TTYH3: variants seen among roughly 807,000 people sequenced by gnomAD.
TTYH3 encodes tweety family member 3, also known as protein tweety homolog 3.
Under a neutral mutation model 68.2 loss-of-function variants are expected in TTYH3, and 23 were observed. The observed-to-expected ratio is 0.34, with a 90% CI of 0.24 to 0.48. The LOEUF (loss-of-function observed/expected upper bound fraction) is 0.48, where lower values mean the gene tolerates loss of function less well. TTYH3 is among the 20% of genes least tolerant of loss of function. The pLI is 0.99. For synonymous variants in TTYH3, 360 were observed against 332.8 expected (o/e 1.08, Z -0.89); for missense variants, 768 against 727.7 (o/e 1.06, Z -0.64).
At chr7:2,643,738 C>T (rs371093723) in intron 1 of TTYH3, among the ~76,000 whole-genome samples, 3 of 152,250 alleles carry the variant, frequency 2.0e-5, no homozygotes, top group African/African-American at 7.2e-5. Context: ...TGATCTGGAC[C>T]TGGAAGCCCT....
Position 2,649,567 on chromosome 7 carries a change from G to C in TTYH3, c.723G>C (p.Gly241=), listed in dbSNP as rs187823170. ...LIRSSKGILV[G]VCLLGVLALV... is the part of the protein sequence containing the mutation. ...TGCTGACTGGCTGTCTCTGCCCCAG[G>C]GTCTGCCTGCTGGGAGTCCTGGCCC... The change falls in exon 6 of 14, where the codon GGG becomes GGC. Residue 241 remains glycine (G), a splice_region_variant and synonymous_variant. Coordinates refer to ENST00000258796, the MANE Select transcript of TTYH3 (RefSeq NM_025250.3). The C allele has an allele frequency of 7.6e-6, 12 of 1,583,782 alleles. No individual in the cohort carries two copies. The highest frequency in any genetic ancestry group is 1.0e-5 in the Non-Finnish European group (12 of 1,171,734).
chr7:2,658,835 G>A (rs1786410549), intron 12 of TTYH3, 105 bp from the exon 13 acceptor site: 2 of 1,089,508 alleles, frequency 1.8e-6, no homozygotes, highest in East Asian at 4.8e-5. Flanking sequence ...AGTGAGAATG[G>A]ATGTGCCCAT....
At chr7:2,656,625 C>T in intron 11 of TTYH3, 91 bp downstream of exon 11, 1 of 1,467,038 alleles carries the variant, frequency 6.8e-7, no homozygotes, top group Non-Finnish European at 9.1e-7. Flanking sequence ...CACCCATGTG[C>T]CAGTCCCAGA....
intron 2 of TTYH3, 41 bp from the exon 3 acceptor site, chr7:2,647,101 T>C: frequency 7.8e-7 from 1 of 1,274,764 alleles, no homozygotes. Flanking sequence ...GGGGTGTGTG[T>C]GGGTGGGCGG....
chr7:2,636,811 G>A (rs954810576), intron 1 of TTYH3, among the ~76,000 whole-genome samples: 2 of 152,106 alleles, frequency 1.3e-5, no homozygotes, highest in African/African-American at 2.4e-5. Context: ...CTTGGGGTGG[G>A]TGTCAGGCCA....
chr7:2,659,895 C>T (rs1786443412), intron 13 of TTYH3: 2 of 1,205,888 alleles, frequency 1.7e-6, no homozygotes, highest in Non-Finnish European at 2.2e-6. Flanking sequence ...GCCACACTCT[C>T]TCTCTCTCTC....
intron 5 of TTYH3, 100 bp from the exon 6 acceptor site, chr7:2,649,467 C>T (rs984486320): frequency 3.2e-5 from 39 of 1,205,240 alleles, no homozygotes; most frequent in Admixed American, 4.0e-5. Flanking sequence ...GTGGGCTGAC[C>T]CCTGATGTGC....
At position 2,645,760 on chromosome 7, in the gene TTYH3, T is replaced by A; in HGVS notation, c.124-1093T>A. On this transcript the variant is annotated intron_variant, in intron 1 of 13. Coordinates refer to ENST00000258796, the MANE Select transcript of TTYH3 (RefSeq NM_025250.3). This position sits in a 1 kb window ranked among gnomAD's most constrained non-coding sequence, Gnocchi z 4.8. Reference sequence around the variant, plus strand: ...GACTCCTGATGGGGCCTCTTCCATGTTCACCCCTCAGAAACACTTTCATGG... The same window carrying A: ...GACTCCTGATGGGGCCTCTTCCATGATCACCCCTCAGAAACACTTTCATGG... 2.1e-6 allele frequency: 1 copy of A among 470,848 alleles called. No individual in the cohort carries two copies. 29.2% of individuals were successfully genotyped at this position (470,848 alleles called of 1,614,324 possible). A position where few individuals can be genotyped will look rare whatever the true frequency, so the allele number is the denominator to read the frequency against.
intron 1 of TTYH3, among the ~76,000 whole-genome samples, chr7:2,636,397 G>C (rs569636023): frequency 6.6e-6 from 1 of 152,234 alleles, no homozygotes; most frequent in African/African-American, 2.4e-5. Flanking sequence ...CAGTCCAAGA[G>C]CATAGAGCTG....
rs1786398099 is a variant in TTYH3, at chr7:2,658,403, G to C, written c.1368G>C (p.Glu456Asp). The change falls in exon 12 of 14, where the codon GAG (glutamate) becomes GAC (aspartate). Residue 456 changes from glutamate (E) to aspartate (D), a missense_variant. Glu to Asp is a conservative substitution (Grantham distance 45). Coordinates refer to ENST00000258796, the MANE Select transcript of TTYH3 (RefSeq NM_025250.3). ...LYSCGSSYGS[E>D]TSIPAAAHTV... The stretch of plus-strand genomic sequence containing the variant: ...GCTGTGGCAGCAGCTACGGCAGTGA[G>C]ACCAGCATCCCGGCCGCGGCCCACA... 1 of 1,612,174 alleles carries C rather than the reference G, an allele frequency of 6.2e-7. No individual in the cohort carries two copies. The highest frequency in any genetic ancestry group is 2.2e-5 in the East Asian group (1 of 44,888).
intron 7 of TTYH3, among the ~76,000 whole-genome samples, chr7:2,651,958 A>G (rs1786191179): frequency 6.6e-6 from 1 of 152,102 alleles, no homozygotes; most frequent in Non-Finnish European, 1.5e-5. Flanking sequence ...ACACACAGAC[A>G]CATGCACACC....
rs978975368 is a variant in TTYH3, at chr7:2,659,856, C to T, written c.1500+841C>T. On this transcript the variant is annotated intron_variant, in intron 13 of 13. Transcript: ENST00000258796. ...CCTCGCCATCACACGGCCCACAGCC[C>T]ACTCCTGGCCCCACACCCTGGCGTT... 58 of 1,254,546 alleles carry T rather than the reference C, an allele frequency of 4.6e-5. No individual in the cohort carries two copies. In the African/African-American group the frequency reaches 7.7e-4, roughly 17 times the overall value. 77.7% of individuals were successfully genotyped at this position (1,254,546 alleles called of 1,614,324 possible). A position where few individuals can be genotyped will look rare whatever the true frequency, so the allele number is the denominator to read the frequency against.
chr7:2,649,660 G>A, intron 6 of TTYH3, 21 bp downstream of exon 6: 1 of 1,589,316 alleles, frequency 6.3e-7, no homozygotes, highest in Non-Finnish European at 8.5e-7. Context: ...GAGGGGGTGA[G>A]GTCCCCGGCT....
At chr7:2,650,951 G>C (rs1483369225) in intron 7 of TTYH3, among the ~76,000 whole-genome samples, 1 of 151,776 alleles carries the variant, frequency 6.6e-6, no homozygotes, top group East Asian at 2.0e-4. Context: ...CGGAGCAGGA[G>C]TTGGCGTCCC....
intron 9 of TTYH3, 114 bp from the exon 10 acceptor site, chr7:2,655,978 C>A: frequency 1.2e-6 from 1 of 808,164 alleles, no homozygotes; most frequent in Non-Finnish European, 1.9e-6. Flanking sequence ...GGGGGTATCT[C>A]AGTCGAAGAT....
intron 5 of TTYH3, among the ~76,000 whole-genome samples, chr7:2,649,035 G>A (rs546270746): frequency 1.9e-4 from 28 of 150,782 alleles, no homozygotes; most frequent in Middle Eastern, 3.4e-3. Context: ...CTCGTGGTGG[G>A]GGCACCTGCA....
rs1402259467 is a variant in TTYH3 at position 2,663,014 on chromosome 7, A to T, written c.*1275A>T. On this transcript the variant is annotated 3_prime_UTR_variant, in exon 14 of 14. Transcript: ENST00000258796. ...TGTGGCCTCGGTCTCCTCCCCATGAAGTGGGAGCGAGGCTCCCCAATGGTG... is the reference window on the plus strand; with the variant it reads ...TGTGGCCTCGGTCTCCTCCCCATGATGTGGGAGCGAGGCTCCCCAATGGTG... 2 of 152,316 alleles carry T rather than the reference A, an allele frequency of 1.3e-5. No individual in the cohort carries two copies. Among genetic ancestry groups the T allele is most frequent in the African/African-American group, 4.8e-5 (2 of 41,478 alleles). 9.4% of individuals were successfully genotyped at this position (152,316 alleles called of 1,614,324 possible). A position where few individuals can be genotyped will look rare whatever the true frequency, so the allele number is the denominator to read the frequency against.
intron 8 of TTYH3, 72 bp from the exon 9 acceptor site, chr7:2,652,846 T>G (rs1372419895): frequency 7.7e-7 from 1 of 1,291,666 alleles, no homozygotes; most frequent in African/African-American, 1.5e-5. Flanking sequence ...GTCCCCGCGT[T>G]GGAGGGTCCT....
At chr7:2,656,352 C>T (rs1186826526) in intron 10 of TTYH3, 46 bp from the exon 11 acceptor site, 1 of 1,592,698 alleles carries the variant, frequency 6.3e-7, no homozygotes, top group African/African-American at 1.3e-5. Context: ...CTGCCCCCTC[C>T]ACCCTCCCTG....
Sources: gnomAD v4.1 joint callset for allele counts (sites outside exome capture counted in the v4.1 genomes callset) on GRCh38, gnomAD v4.1.1 for gene constraint, Gnocchi (gnomAD v3.1) non-coding constraint, MANE v1.5 for transcripts, NCBI Gene and HGNC (gene_info 2026-07-23, HGNC 2026-07-21) for gene names.